Variants in AK5 observed in about 807,000 individuals in gnomAD.
AK5 encodes the protein adenylate kinase isoenzyme 5.
AK5 carries 27 observed loss-of-function variants against 69.5 expected under a neutral mutation model. The ratio of observed to expected loss-of-function variants is 0.39; its 90% CI spans 0.29 to 0.54. The LOEUF is 0.54. Among genes scored for constraint, AK5 ranks in the 20% least tolerant of loss-of-function variants. The probability of loss-of-function intolerance (pLI) is 0.71; values close to 1 mark genes in which losing one functional copy is unlikely to be tolerated. For synonymous variants in AK5, 260 were observed against 244.4 expected (o/e 1.06, Z -0.60); for missense variants, 531 against 700.4 (o/e 0.76, Z 2.73).
intron 6 of AK5, among the ~76,000 whole-genome samples, chr1:77,387,109 T>C (rs137875246): frequency 9.2e-4 from 140 of 152,286 alleles, no homozygotes; most frequent in African/African-American, 3.1e-3. Flanking sequence ...GATGCACAGG[T>C]TGATTTCATT....
chr1:77,409,660 T>C (rs1036709858), intron 6 of AK5, among the ~76,000 whole-genome samples: 1 of 152,184 alleles, frequency 6.6e-6, no homozygotes, highest in Non-Finnish European at 1.5e-5. Flanking sequence ...AGATGCATAG[T>C]TTGCAAATAT....
chr1:77,332,014 T>TG (rs1269856552), intron 5 of AK5, among the ~76,000 whole-genome samples: 7 of 152,144 alleles, frequency 4.6e-5, no homozygotes, highest in Admixed American at 6.5e-5. Context: ...CATGGCTCAC[T>TG]GCAGCCTTGA....
chr1:77,498,405 G>T (rs1168751530), intron 10 of AK5, among the ~76,000 whole-genome samples: 2 of 152,216 alleles, frequency 1.3e-5, no homozygotes, highest in African/African-American at 4.8e-5. Flanking sequence ...TGAATATTCA[G>T]GGTGGAATAT....
intron 6 of AK5, among the ~76,000 whole-genome samples, chr1:77,400,411 A>G (rs931215525): frequency 1.3e-5 from 2 of 152,254 alleles, no homozygotes; most frequent in African/African-American, 4.8e-5. Context: ...ATAAATCCAT[A>G]TAAAATCCAA....
At chr1:77,448,861 G>A (rs143430264) in intron 8 of AK5, among the ~76,000 whole-genome samples, 1 of 152,318 alleles carries the variant, frequency 6.6e-6, no homozygotes, top group African/African-American at 2.4e-5. Context: ...CATGTTCCCT[G>A]GTGCTCACAG....
intron 6 of AK5, among the ~76,000 whole-genome samples, chr1:77,358,018 T>TGAGAGAGAGA (rs1553138076): frequency 3.1e-5 from 4 of 128,178 alleles, no homozygotes; most frequent in Non-Finnish European, 6.6e-5. Flanking sequence ...TGTGTGTGTG[T>TGAGAGAGAGA]GAGAGAGAGA....
chr1:77,329,355 A>G (rs1304239751), intron 5 of AK5, among the ~76,000 whole-genome samples: 1 of 152,138 alleles, frequency 6.6e-6, no homozygotes, highest in Non-Finnish European at 1.5e-5. Context: ...CTTATAATAT[A>G]AAGAAGAGGT....
intron 8 of AK5, among the ~76,000 whole-genome samples, chr1:77,444,383 T>TG (rs1185575149): frequency 2.0e-4 from 7 of 35,732 alleles, no homozygotes; most frequent in Non-Finnish European, 3.0e-4. Context: ...ATACTATATA[T>TG]AGTATATATA....
intron 6 of AK5, among the ~76,000 whole-genome samples, chr1:77,383,945 T>G (rs1008717105): frequency 5.6e-5 from 8 of 143,414 alleles, no homozygotes; most frequent in African/African-American, 2.0e-4. Flanking sequence ...ATTGAGCAAA[T>G]AGAAAAAGGG....
chr1:77,298,259 C>T (rs1425107051), intron 5 of AK5, among the ~76,000 whole-genome samples: 1 of 151,828 alleles, frequency 6.6e-6, no homozygotes, highest in Non-Finnish European at 1.5e-5. Context: ...TAAGAATAAG[C>T]CTTATTCAGT....
chr1:77,366,369 C>T (rs1646949758), intron 6 of AK5, among the ~76,000 whole-genome samples: 1 of 152,092 alleles, frequency 6.6e-6, no homozygotes, highest in South Asian at 2.1e-4. Flanking sequence ...GGTGCTATTC[C>T]TATTTTTGTT....
chr1:77,362,914 A>G (rs896159880), intron 6 of AK5, among the ~76,000 whole-genome samples: 1 of 152,222 alleles, frequency 6.6e-6, no homozygotes, highest in African/African-American at 2.4e-5. Flanking sequence ...TCCTGATGCA[A>G]TGACCATAGA....
chr1:77,322,001 T>A (rs72679514), intron 5 of AK5, among the ~76,000 whole-genome samples: 1 of 152,180 alleles, frequency 6.6e-6, no homozygotes, highest in South Asian at 2.1e-4. Context: ...AATTTTTATG[T>A]ACTATGAAAA....
intron 6 of AK5, among the ~76,000 whole-genome samples, chr1:77,372,772 C>CGTGTGTGTGT (rs34235538): frequency 6.7e-6 from 1 of 149,518 alleles, no homozygotes; most frequent in Non-Finnish European, 1.5e-5. Flanking sequence ...TGTGTGTGTG[C>CGTGTGTGTGT]GTGTGTGTGT....
chr1:77,377,017 A>G (rs6670430), intron 6 of AK5, among the ~76,000 whole-genome samples: 2,534 of 152,314 alleles, frequency 0.017, 72 homozygotes, highest in African/African-American at 0.058. Flanking sequence ...AAGCAATTAT[A>G]TGACTCTACT....
chr1:77,398,218 C>A (rs1648958960), intron 6 of AK5, among the ~76,000 whole-genome samples: 1 of 152,114 alleles, frequency 6.6e-6, no homozygotes, highest in African/African-American at 2.4e-5. Context: ...ATAGAATGAG[C>A]CTGATCTTCC....
At chr1:77,402,313 A>G (rs1649270941) in intron 6 of AK5, among the ~76,000 whole-genome samples, 1 of 151,890 alleles carries the variant, frequency 6.6e-6, no homozygotes, top group Non-Finnish European at 1.5e-5. Flanking sequence ...TTATTATTGT[A>G]CTTTAAGTTT....
intron 6 of AK5, among the ~76,000 whole-genome samples, chr1:77,361,558 G>A (rs1239172709): frequency 6.6e-6 from 1 of 152,192 alleles, no homozygotes; most frequent in Non-Finnish European, 1.5e-5. Flanking sequence ...AAAGTTGTGT[G>A]TATCATGAGC....
intron 10 of AK5, among the ~76,000 whole-genome samples, chr1:77,493,335 C>CG (rs201297304): frequency 0.017 from 2,651 of 151,894 alleles, 34 homozygotes; most frequent in Middle Eastern, 0.058. Context: ...GCAGCCCCCC[C>CG]CAGGTTCTCA....
Sources: allele counts gnomAD v4.1 joint callset (sites outside exome capture counted in the v4.1 genomes callset), GRCh38; gene constraint gnomAD v4.1.1; transcripts MANE v1.5; gene names NCBI Gene and HGNC (gene_info 2026-07-23, HGNC 2026-07-21).